The following CDH13 variants were observed in gnomAD, a reference collection of about 807,000 sequenced individuals.
CDH13 encodes the protein cadherin-13.
Under a neutral mutation model 63.8 loss-of-function variants are expected in CDH13, and 24 were observed. That is an observed-to-expected ratio of 0.38 (90% confidence interval 0.27 to 0.53). CDH13 has a LOEUF of 0.53. Ranked by LOEUF, CDH13 falls within the 20% of genes least tolerant of loss-of-function variation. The pLI, the probability that CDH13 is intolerant of heterozygous loss-of-function variation, is 0.85. For synonymous variants in CDH13, 503 were observed against 355.3 expected, an observed-to-expected ratio of 1.42 and a Z score of -4.67; for missense variants, 1,049 against 903.1, an observed-to-expected ratio of 1.16 and a Z score of -2.07.
intron 7 of CDH13, among the ~76,000 whole-genome samples, chr16:83,517,313 C>G (rs1262331430): frequency 1.3e-5 from 2 of 152,204 alleles, no homozygotes; most frequent in Admixed American, 1.3e-4. Context: ...TTAGGTTATG[C>G]TGCAGTAACA....
intron 1 of CDH13, among the ~76,000 whole-genome samples, chr16:82,756,985 T>C (rs1265910069): frequency 6.6e-6 from 1 of 152,192 alleles, no homozygotes; most frequent in African/African-American, 2.4e-5. Context: ...TTATCTTTGT[T>C]GACGACTGAC....
intron 1 of CDH13, among the ~76,000 whole-genome samples, chr16:82,683,341 G>T (rs150249555): frequency 4.0e-4 from 61 of 152,292 alleles, no homozygotes; most frequent in African/African-American, 1.3e-3. Context: ...TCTGGTTCCA[G>T]ATGCTAGCCT....
chr16:82,845,505 A>G (rs1319348496), intron 1 of CDH13, among the ~76,000 whole-genome samples: 2 of 152,170 alleles, frequency 1.3e-5, no homozygotes. Context: ...AGCCACCAGC[A>G]TCATCCTCTA....
chr16:82,837,658 A>G (rs567253631), intron 1 of CDH13, among the ~76,000 whole-genome samples: 197 of 152,184 alleles, frequency 1.3e-3, no homozygotes, highest in Non-Finnish European at 2.4e-3. Context: ...ACATATGGTG[A>G]CACCGTGTGT....
At chr16:83,650,030 T>A (rs553293370) in intron 8 of CDH13, among the ~76,000 whole-genome samples, 2 of 152,294 alleles carry the variant, frequency 1.3e-5, no homozygotes, top group East Asian at 1.9e-4. Context: ...GTGTTTTAAT[T>A]TTCTGAGGCC....
At chr16:83,582,640 C>G (rs557422317) in intron 7 of CDH13, among the ~76,000 whole-genome samples, 1 of 152,138 alleles carries the variant, frequency 6.6e-6, no homozygotes, top group Non-Finnish European at 1.5e-5. Context: ...GGAGTGGAGA[C>G]ATTCACTTCC....
chr16:83,320,388 T>A (rs750029417), intron 5 of CDH13, among the ~76,000 whole-genome samples: 12 of 152,170 alleles, frequency 7.9e-5, no homozygotes, highest in Non-Finnish European at 1.8e-4. Flanking sequence ...CAGGACTTAT[T>A]GTCCCAAGAC....
chr16:83,479,303 A>G (rs2073697277), intron 6 of CDH13, among the ~76,000 whole-genome samples: 1 of 152,190 alleles, frequency 6.6e-6, no homozygotes, highest in Admixed American at 6.5e-5. Flanking sequence ...TTCCCTCGTC[A>G]TGATTGCACT....
At chr16:83,022,374 C>T (rs886609159) in intron 2 of CDH13, among the ~76,000 whole-genome samples, 7 of 152,184 alleles carry the variant, frequency 4.6e-5, no homozygotes, top group African/African-American at 7.2e-5. Context: ...CATTCTTATG[C>T]TCTGGGGCAG....
intron 5 of CDH13, among the ~76,000 whole-genome samples, chr16:83,289,583 A>T (rs1471091702): frequency 1.7e-4 from 26 of 152,184 alleles, no homozygotes. Context: ...AACATACAGG[A>T]TTCAGCATAA....
intron 6 of CDH13, among the ~76,000 whole-genome samples, chr16:83,449,988 G>T (rs2072838423): frequency 6.6e-6 from 1 of 152,176 alleles, no homozygotes; most frequent in African/African-American, 2.4e-5. Context: ...TTCGCTAGCA[G>T]GGCAGAGGCA....
intron 5 of CDH13, among the ~76,000 whole-genome samples, chr16:83,263,654 C>T (rs989850290): frequency 3.3e-5 from 5 of 152,206 alleles, no homozygotes; most frequent in Non-Finnish European, 5.9e-5. Context: ...ATTACCACTG[C>T]TTCTTCTGCT....
intron 1 of CDH13, among the ~76,000 whole-genome samples, chr16:82,831,077 A>T (rs571134890): frequency 1.5e-4 from 23 of 152,222 alleles, no homozygotes; most frequent in African/African-American, 5.5e-4. Flanking sequence ...CCATGGACCA[A>T]GCAGCTTCAG....
chr16:83,394,938 A>G (rs28624464), intron 6 of CDH13, among the ~76,000 whole-genome samples: 1,632 of 152,200 alleles, frequency 0.011, 22 homozygotes, highest in African/African-American at 0.038. Context: ...ACCTGTGGTC[A>G]GGTGTTTGAA....
chr16:83,545,218 C>T (rs531095264), intron 7 of CDH13, among the ~76,000 whole-genome samples: 2 of 152,238 alleles, frequency 1.3e-5, no homozygotes, highest in Admixed American at 1.3e-4. Context: ...GGTGTGGAAA[C>T]CCTCCAAGCA....
intron 8 of CDH13, among the ~76,000 whole-genome samples, chr16:83,661,341 G>T (rs903723846): frequency 1.3e-5 from 2 of 152,074 alleles, no homozygotes; most frequent in Non-Finnish European, 2.9e-5. Flanking sequence ...GTAAAAATTA[G>T]CTTGGCGTGG....
chr16:83,014,427 AAAAGCCAGGTAT>A (rs1914479366), intron 2 of CDH13, among the ~76,000 whole-genome samples: 1 of 151,648 alleles, frequency 6.6e-6, no homozygotes, highest in African/African-American at 2.4e-5. Context: ...ATATATGTAT[AAAAGCCAGGTAT>A]AAAGGTATTT....
Position 83,780,009 on chromosome 16 carries a change from C to G in CDH13, c.1723C>G (p.Leu575Val). The G allele has an allele frequency of 6.2e-7, 1 of 1,613,882 alleles. No individual in the cohort carries two copies. The highest frequency in any genetic ancestry group is 8.5e-7 in the Non-Finnish European group (1 of 1,179,782). The change falls in exon 12 of 14, where the codon CTG becomes GTG. Residue 575 changes from leucine to valine, a missense_variant. Leu to Val is a conservative substitution (Grantham distance 32). Transcript: ENST00000567109. ...ATGTGTLLIT[L>V]EDVNDNAPFI... ...GGGCACTGGGACTTTGCTGATAACC[C>G]TGGAGGACGTGAATGACAATGCCCC...
chr16:82,803,217 A>T (rs549644387), intron 1 of CDH13, among the ~76,000 whole-genome samples: 99 of 152,348 alleles, frequency 6.5e-4, no homozygotes, highest in Non-Finnish European at 1.1e-3. Flanking sequence ...TGTGTAGTCC[A>T]TGGTGCTTGA....
Sources: gnomAD v4.1 joint callset for allele counts (sites outside exome capture counted in the v4.1 genomes callset) on GRCh38, gnomAD v4.1.1 for gene constraint, MANE v1.5 for transcripts, NCBI Gene and HGNC (gene_info 2026-07-23, HGNC 2026-07-21) for gene names.